The following ZNF215 variants were observed in gnomAD, a reference collection of about 807,000 sequenced individuals.
The protein encoded by ZNF215 is BWSCR2-associated zinc finger protein 2.
A neutral mutation model predicts 27.2 loss-of-function variants in ZNF215; 24 were observed. The ratio of observed to expected loss-of-function variants is 0.88; its 90% CI spans 0.64 to 1.24. The LOEUF (loss-of-function observed/expected upper bound fraction) is 1.24. Among genes scored for constraint, ZNF215 ranks in the 50% most tolerant of loss-of-function variants. The probability of loss-of-function intolerance (pLI) is 0.00; values close to 1 mark genes in which losing one functional copy is unlikely to be tolerated. For synonymous variants in ZNF215, 210 were observed against 204.0 expected, an observed-to-expected ratio of 1.03 and a Z score of -0.25; for missense variants, 675 against 605.7, an observed-to-expected ratio of 1.11 and a Z score of -1.20.
intron 5 of ZNF215, among the ~76,000 whole-genome samples, chr11:6,976,606 A>C (rs1487274950): frequency 6.6e-6 from 1 of 152,050 alleles, no homozygotes; most frequent in Non-Finnish European, 1.5e-5. Context: ...GTTTTATTTA[A>C]TAATTCCATT....
chr11:6,990,767 TGC>T, downstream of ZNF215, among the ~76,000 whole-genome samples: 2 of 152,086 alleles, frequency 1.3e-5, no homozygotes, highest in Non-Finnish European at 1.5e-5. Flanking sequence ...CGCGCACATG[TGC>T]GCACACACAC....
At chr11:6,962,972 T>A (rs1047011009), downstream of ZNF215, among the ~76,000 whole-genome samples, 1 of 152,114 alleles carries the variant, frequency 6.6e-6, no homozygotes, top group African/African-American at 2.4e-5. Flanking sequence ...AGGGCCCTTG[T>A]ATTCTAGGTT....
chr11:6,989,213 A>G (rs991499578), downstream of ZNF215, among the ~76,000 whole-genome samples: 1 of 152,078 alleles, frequency 6.6e-6, no homozygotes, highest in Non-Finnish European at 1.5e-5. Flanking sequence ...ACTTTTTACA[A>G]TAAAAGTAAT....
Position 6,978,756 on chromosome 11 carries a change from C to CA in ZNF215, c.806-5362dup, listed in dbSNP as rs34770499. Among the ~76,000 whole-genome samples the CA allele has an allele frequency of 4.7e-3, 700 of 149,850 alleles. 9 individuals carry two copies. Among genetic ancestry groups the CA allele is most frequent in the African/African-American group, 0.015 (624 of 41,030 alleles). On this transcript the variant is annotated intron_variant, in intron 5 of 5. Coordinates refer to the ZNF215 transcript ENST00000529903. The stretch of plus-strand genomic sequence containing the variant: ...CAACATAGCAAGGCTCCATCTCTAC[C>CA]AAAAAAAAAAATGTATTCACTGTAA...
rs530124189 is a variant in ZNF215, at chr11:6,949,875, T to G, written c.713-5815T>G. On this transcript the variant is annotated intron_variant, in intron 6 of 6. Transcript: ENST00000278319. ...GTTTTTATGGTTTCAGGTCTAACGT[T>G]TAAGTCTTTAATCCATCTTGAATTA... Among the ~76,000 whole-genome samples, 269 of 152,308 alleles carry G rather than the reference T, an allele frequency of 1.8e-3. 2 individuals are homozygous for G. Among genetic ancestry groups the G allele is most frequent in the African/African-American group, 6.0e-3 (251 of 41,566 alleles).
chr11:6,932,231 G>C lies in ZNF215; in HGVS notation c.-42G>C. On this transcript the variant is annotated 5_prime_UTR_variant, in exon 3 of 7. Transcript: ENST00000278319. ...CAAGCCTGAGAATTACTGCAATCTAGTAAGGCGGATTTGAACTACTGTGGG... is the reference window on the plus strand; with the variant it reads ...CAAGCCTGAGAATTACTGCAATCTACTAAGGCGGATTTGAACTACTGTGGG... 6.3e-7 allele frequency: 1 copy of C among 1,587,224 alleles called. No individual in the cohort carries two copies.
intron 6 of ZNF215, among the ~76,000 whole-genome samples, chr11:6,954,746 C>T (rs1040820865): frequency 5.3e-5 from 8 of 152,204 alleles, no homozygotes; most frequent in Non-Finnish European, 1.2e-4. Flanking sequence ...ACCCACTGTC[C>T]TGCGCCCACT....
At chr11:6,985,188 A>C (rs1851035546), downstream of ZNF215, among the ~76,000 whole-genome samples, 1 of 152,214 alleles carries the variant, frequency 6.6e-6, no homozygotes, top group Non-Finnish European at 1.5e-5. Context: ...CACACCAAAA[A>C]GATAATTCAC....
intron 5 of ZNF215, among the ~76,000 whole-genome samples, chr11:6,968,653 C>T (rs1373397229): frequency 6.6e-6 from 1 of 151,654 alleles, no homozygotes; most frequent in Admixed American, 6.6e-5. Context: ...ATCACTTGAG[C>T]CCAGGAGTTC....
intron 6 of ZNF215, among the ~76,000 whole-genome samples, chr11:6,950,644 G>A (rs1215511222): frequency 3.3e-5 from 5 of 150,922 alleles, no homozygotes; most frequent in South Asian, 4.2e-4. Context: ...TGAGACGATG[G>A]GGTTTTCTAG....
intron 3 of ZNF215, among the ~76,000 whole-genome samples, chr11:6,939,397 A>G (rs779543349): frequency 1.4e-4 from 22 of 152,326 alleles, no homozygotes; most frequent in Admixed American, 2.6e-4. Flanking sequence ...TATCTCGCAC[A>G]TAGGAGATAG....
downstream of ZNF215, among the ~76,000 whole-genome samples, chr11:6,959,494 G>A (rs1850470950): frequency 6.6e-6 from 1 of 152,190 alleles, no homozygotes; most frequent in African/African-American, 2.4e-5. Context: ...CAAAGGAGGA[G>A]AAAATCATTT....
chr11:6,940,896 C>T (rs1046934598), intron 3 of ZNF215, among the ~76,000 whole-genome samples: 1 of 152,128 alleles, frequency 6.6e-6, no homozygotes, highest in Non-Finnish European at 1.5e-5. Flanking sequence ...AACAAACTTA[C>T]TACATTGTTT....
intron 6 of ZNF215, among the ~76,000 whole-genome samples, chr11:6,954,400 C>T (rs1484113342): frequency 1.3e-5 from 2 of 152,256 alleles, no homozygotes; most frequent in Admixed American, 6.5e-5. Flanking sequence ...CCAGTTCAAG[C>T]TTCCTGGCTG....
intron 2 of ZNF215, among the ~76,000 whole-genome samples, chr11:6,930,572 C>T (rs534762448): frequency 3.9e-5 from 6 of 152,272 alleles, no homozygotes; most frequent in Admixed American, 6.5e-5. Flanking sequence ...CTACTCTGTG[C>T]GCTGATACTT....
intron 3 of ZNF215, among the ~76,000 whole-genome samples, 158 bp downstream of exon 3, chr11:6,932,830 T>C (rs912778362): frequency 2.6e-5 from 4 of 152,196 alleles, no homozygotes; most frequent in African/African-American, 9.7e-5. Context: ...GTAATAGAAA[T>C]AGAGAATTAG....
intron 3 of ZNF215, among the ~76,000 whole-genome samples, chr11:6,937,704 A>G (rs565858946): frequency 5.3e-5 from 8 of 152,094 alleles, no homozygotes; most frequent in African/African-American, 1.9e-4. Context: ...TCATACATCT[A>G]TGTCCAGTTA....
chr11:6,933,977 C>A (rs951857312), intron 3 of ZNF215, among the ~76,000 whole-genome samples: 6 of 152,174 alleles, frequency 3.9e-5, no homozygotes, highest in African/African-American at 1.4e-4. Flanking sequence ...ATTAGTTATA[C>A]ATCTTTTAAG....
downstream of ZNF215, among the ~76,000 whole-genome samples, chr11:6,985,519 C>G (rs2172228): frequency 4.0e-5 from 6 of 151,730 alleles, no homozygotes; most frequent in East Asian, 9.7e-4. Flanking sequence ...CTCCTATTCA[C>G]CTTAGTAGTG....
Sources: gnomAD v4.1 joint callset for allele counts (sites outside exome capture counted in the v4.1 genomes callset) on GRCh38, gnomAD v4.1.1 for gene constraint, MANE v1.5 for transcripts, NCBI Gene and HGNC (gene_info 2026-07-23, HGNC 2026-07-21) for gene names.